KLKB1: variants seen among roughly 807,000 people sequenced by gnomAD.
The protein encoded by KLKB1 is kallikrein B1.
A neutral mutation model predicts 73.6 loss-of-function variants in KLKB1; 58 were observed. The observed-to-expected ratio is 0.79, with a 90% CI of 0.64 to 0.98. The LOEUF is 0.98. Among genes scored for constraint, KLKB1 ranks in the 50% least tolerant of loss-of-function variants. The probability of loss-of-function intolerance (pLI) is 0.00; values close to 1 mark genes in which losing one functional copy is unlikely to be tolerated. For missense variants in KLKB1, 737 were observed against 763.8 expected, an observed-to-expected ratio of 0.96 and a Z score of 0.41; for synonymous variants, 280 against 258.1, an observed-to-expected ratio of 1.08 and a Z score of -0.81.
chr4:186,221,164 T>C (rs1737024573), intron 2 of KLKB1, among the ~76,000 whole-genome samples: 1 of 151,978 alleles, frequency 6.6e-6, no homozygotes, highest in Non-Finnish European at 1.5e-5. Flanking sequence ...CCTCCTTCAT[T>C]TATAATTTTA....
At chr4:186,257,740 A>AGTGT (rs1265005754) in intron 14 of KLKB1, among the ~76,000 whole-genome samples, 1 of 119,532 alleles carries the variant, frequency 8.4e-6, no homozygotes, top group African/African-American at 3.2e-5. Context: ...TTTAAGAAAG[A>AGTGT]GTGAGTGTGT....
intron 13 of KLKB1, 50 bp from the exon 14 acceptor site, chr4:186,257,176 A>T: frequency 2.1e-6 from 2 of 975,552 alleles, no homozygotes; most frequent in South Asian, 3.8e-5. Context: ...TTTATTATTT[A>T]AGTTATTATT....
intron 2 of KLKB1, among the ~76,000 whole-genome samples, chr4:186,218,142 G>A (rs1047412466): frequency 6.6e-5 from 10 of 152,238 alleles, no homozygotes. Context: ...TCTGTGAACT[G>A]TGGTTTGTCA....
chr4:186,227,998 A>G (rs1737224708), intron 1 of KLKB1, among the ~76,000 whole-genome samples, 197 bp from the exon 2 acceptor site: 1 of 152,154 alleles, frequency 6.6e-6, no homozygotes, highest in Non-Finnish European at 1.5e-5. Context: ...CTCAATTTGT[A>G]TCTTGGGAAG....
chr4:186,256,997 C>G lies in KLKB1; in HGVS notation c.1586-229C>G, dbSNP rs41278595. Among the ~76,000 whole-genome samples, 1,275 of 148,720 alleles carry G rather than the reference C, an allele frequency of 8.6e-3. 13 individuals carry two copies. Among genetic ancestry groups the G allele is most frequent in the African/African-American group, 0.019 (781 of 40,450 alleles). On this transcript the variant is annotated intron_variant, in intron 13 of 14. Transcript: ENST00000264690. ...CCTCTTCCTCTCTCTGTCTCTCTCT[C>G]TCTGTGTGTGTGTGTGTGTGTGTGT...
At chr4:186,249,842 G>A (rs1057470937) in intron 6 of KLKB1, among the ~76,000 whole-genome samples, 4 of 152,106 alleles carry the variant, frequency 2.6e-5, no homozygotes, top group Non-Finnish European at 4.4e-5. Flanking sequence ...ATAGGCACAA[G>A]GCATTTTTGT....
intron 13 of KLKB1, among the ~76,000 whole-genome samples, chr4:186,256,441 A>G: frequency 6.6e-6 from 1 of 152,198 alleles, no homozygotes; most frequent in East Asian, 1.9e-4. Context: ...CTTGATGCTA[A>G]TGGCCGGGAG....
chr4:186,248,937 C>G (rs1161096338), intron 6 of KLKB1, among the ~76,000 whole-genome samples: 1 of 152,108 alleles, frequency 6.6e-6, no homozygotes, highest in Non-Finnish European at 1.5e-5. Flanking sequence ...TGTTGTGTAT[C>G]TTTTCGTGTG....
chr4:186,222,010 A>G (rs1737043168), upstream of KLKB1, among the ~76,000 whole-genome samples: 1 of 152,290 alleles, frequency 6.6e-6, no homozygotes, highest in South Asian at 2.1e-4. Flanking sequence ...ACCATTATAT[A>G]ATGACCTTCT....
At chr4:186,242,089 T>C (rs973087691) in intron 6 of KLKB1, among the ~76,000 whole-genome samples, 1 of 151,496 alleles carries the variant, frequency 6.6e-6, no homozygotes, top group Non-Finnish European at 1.5e-5. Flanking sequence ...GGACGTTTTA[T>C]AGGATTTGGG....
In KLKB1 at chr4:186,218,651, T is replaced by TGCGC. The variant is rs1554075709; in HGVS notation, c.201+9380_201+9383dup. On this transcript the variant is annotated intron_variant, in intron 2 of 14. Coordinates refer to the KLKB1 transcript ENST00000511608. ...CATAGTGTGTGTGTGTGTGTGTGTG[T>TGCGC]GCGCATGTGTGTGTGCTGAGAACCC... is the stretch of plus-strand genomic sequence containing the variant. Among the ~76,000 whole-genome samples, 480 of 150,854 alleles carry TGCGC rather than the reference T, an allele frequency of 3.2e-3. 3 individuals are homozygous for TGCGC. Among genetic ancestry groups the TGCGC allele is most frequent in the African/African-American group, 0.01 (424 of 41,102 alleles).
At chr4:186,212,047 C>T (rs1324188367) in intron 2 of KLKB1, 6 of 152,018 alleles carry the variant, frequency 3.9e-5, no homozygotes, top group Non-Finnish European at 8.8e-5. Flanking sequence ...TAGTTATGCT[C>T]CTTTATATTA....
At chr4:186,255,925 A>T in intron 12 of KLKB1, 67 bp from the exon 13 acceptor site, 1 of 979,786 alleles carries the variant, frequency 1.0e-6, no homozygotes, top group Non-Finnish European at 1.6e-6. Flanking sequence ...AAAGAGAAAG[A>T]TGTATTTTTA....
upstream of KLKB1, among the ~76,000 whole-genome samples, chr4:186,224,208 T>C (rs1485434357): frequency 6.6e-6 from 1 of 152,232 alleles, no homozygotes; most frequent in Non-Finnish European, 1.5e-5. Context: ...CCAGCCCTCA[T>C]GGAGAACCTC....
In KLKB1 at chr4:186,228,210, G is replaced by A. The variant is rs1429233492; in HGVS notation, c.15G>A (p.Lys5=). The A allele has an allele frequency of 3.8e-6, 6 of 1,579,114 alleles. No individual in the cohort carries two copies. Among genetic ancestry groups the A allele is most frequent in the South Asian group, 1.1e-5 (1 of 90,218 alleles). ...TCTTTTTTAGAATGATTTTATTCAA[G>A]CAAGCAACTTATTTCATTTCCTTGT... MILF[K]QATYFISLFA... is the part of the protein sequence containing the mutation. Residue 5 remains lysine, a synonymous_variant, in exon 2 of 15, where the codon AAG becomes AAA. Coordinates refer to ENST00000264690, the MANE Select transcript of KLKB1 (RefSeq NM_000892.5).
intron 2 of KLKB1, among the ~76,000 whole-genome samples, chr4:186,218,910 A>T (rs1736969181): frequency 6.6e-6 from 1 of 152,190 alleles, no homozygotes; most frequent in Non-Finnish European, 1.5e-5. Context: ...AAACCTCAAA[A>T]GCAAGAAAGT....
chr4:186,231,807 A>T (rs1014748877), intron 2 of KLKB1, among the ~76,000 whole-genome samples: 11 of 152,242 alleles, frequency 7.2e-5, no homozygotes. Context: ...TTTTTAAGGC[A>T]TGATGTTTTC....
rs751495725 is a variant in KLKB1 at position 186,250,392 on chromosome 4, G to A, written c.748G>A (p.Glu250Lys). ...FTFYTNVWKI[E>K]SQRNVCLLKT... is the part of the protein sequence containing the mutation. ...ATTCTATACAAATGTATGGAAAATCGAGTCACAAAGGCGAGTATGCATGGA... is the reference window on the plus strand; with the variant it reads ...ATTCTATACAAATGTATGGAAAATCAAGTCACAAAGGCGAGTATGCATGGA... Residue 250 changes from glutamate (E) to lysine (K), a missense_variant, in exon 7 of 15, where the codon GAG becomes AAG. Coordinates refer to ENST00000264690, the MANE Select transcript of KLKB1 (RefSeq NM_000892.5). The A allele has an allele frequency of 1.2e-5, 19 of 1,613,954 alleles. No homozygotes were observed. The highest frequency in any genetic ancestry group is 4.0e-5 in the African/African-American group (3 of 74,906).
chr4:186,256,718 C>T (rs140585449), intron 13 of KLKB1, among the ~76,000 whole-genome samples: 75 of 152,104 alleles, frequency 4.9e-4, no homozygotes, highest in African/African-American at 1.7e-3. Flanking sequence ...TGCCAAAGCT[C>T]GGAGGGCTTT....
Sources: gnomAD v4.1 joint callset for allele counts (sites outside exome capture counted in the v4.1 genomes callset) on GRCh38, gnomAD v4.1.1 for gene constraint, MANE v1.5 for transcripts, NCBI Gene and HGNC (gene_info 2026-07-23, HGNC 2026-07-21) for gene names.